TENM2: variants seen among roughly 807,000 people sequenced by gnomAD.
The protein encoded by TENM2 is teneurin-2.
Under a neutral mutation model 245.2 loss-of-function variants are expected in TENM2, and 52 were observed. The ratio of observed to expected loss-of-function variants is 0.21; its 90% confidence interval spans 0.17 to 0.27. TENM2 has a LOEUF of 0.27. TENM2 is among the 10% of genes least tolerant of loss of function. The probability of loss-of-function intolerance (pLI) is 1.00; values close to 1 mark genes in which losing one functional copy is unlikely to be tolerated. For missense variants in TENM2, 3,046 were observed against 3,666.8 expected (o/e 0.83, Z 4.37); for synonymous variants, 1,363 against 1,438.9 (o/e 0.95, Z 1.19).
chr5:167,087,264 T>C, the TENM2 span, among the ~76,000 whole-genome samples: 3 of 152,152 alleles, frequency 2.0e-5, no homozygotes, highest in African/African-American at 7.2e-5. Flanking sequence ...TTTACATAGA[T>C]CTTTGCATGG....
chr5:168,151,783 T>G (rs1005017431), intron 12 of TENM2, among the ~76,000 whole-genome samples: 1 of 152,174 alleles, frequency 6.6e-6, no homozygotes, highest in Non-Finnish European at 1.5e-5. Flanking sequence ...AACAAGTGAC[T>G]TGGTATAAAA....
At chr5:168,001,536 A>G (rs1784422887) in intron 5 of TENM2, among the ~76,000 whole-genome samples, 2 of 152,364 alleles carry the variant, frequency 1.3e-5, no homozygotes, top group Non-Finnish European at 2.9e-5. Context: ...GAACTATTAT[A>G]TGGTAAATTA....
At chr5:168,058,097 G>A (rs749121932) in intron 6 of TENM2, among the ~76,000 whole-genome samples, 4 of 152,176 alleles carry the variant, frequency 2.6e-5, no homozygotes, top group African/African-American at 7.2e-5. Flanking sequence ...CATAATGAGC[G>A]GAGTTGTGCG....
At chr5:168,228,409 T>C (rs1173682105) in intron 25 of TENM2, among the ~76,000 whole-genome samples, 5 of 152,324 alleles carry the variant, frequency 3.3e-5, no homozygotes, top group South Asian at 2.1e-4. Context: ...AAGGCGGCCA[T>C]TTCCTGCTAT....
chr5:167,984,793 A>T (rs1474332241), intron 4 of TENM2, among the ~76,000 whole-genome samples: 1 of 152,020 alleles, frequency 6.6e-6, no homozygotes, highest in Admixed American at 6.5e-5. Context: ...AGTATCCATC[A>T]TTTTTCTCGT....
chr5:167,840,391 A>G (rs1306960824), intron 2 of TENM2, among the ~76,000 whole-genome samples: 1 of 152,200 alleles, frequency 6.6e-6, no homozygotes, highest in Non-Finnish European at 1.5e-5. Flanking sequence ...ATGATGGGAG[A>G]AATTCAAGGA....
the TENM2 span, among the ~76,000 whole-genome samples, chr5:167,246,134 T>G: frequency 2.6e-5 from 4 of 152,272 alleles, no homozygotes; most frequent in South Asian, 8.3e-4. Context: ...GGATGGCAAT[T>G]TCATCCTTTC....
the TENM2 span, among the ~76,000 whole-genome samples, chr5:167,182,015 A>G: frequency 6.6e-6 from 1 of 152,198 alleles, no homozygotes; most frequent in East Asian, 1.9e-4. Context: ...TTTTATCCAT[A>G]ATGAAAGTTA....
chr5:167,122,236 A>G, the TENM2 span, among the ~76,000 whole-genome samples: 1 of 152,142 alleles, frequency 6.6e-6, no homozygotes, highest in African/African-American at 2.4e-5. Context: ...CTCACTAATT[A>G]CAAGTAAAAA....
intron 2 of TENM2, among the ~76,000 whole-genome samples, chr5:167,694,560 T>C (rs1410015658): frequency 1.3e-5 from 2 of 152,220 alleles, no homozygotes; most frequent in Admixed American, 1.3e-4. Flanking sequence ...GGTTCCTTCA[T>C]GCTGAGCCTA....
chr5:167,967,723 C>T (rs1349447553), intron 4 of TENM2, among the ~76,000 whole-genome samples: 5 of 152,210 alleles, frequency 3.3e-5, no homozygotes, highest in Non-Finnish European at 7.3e-5. Context: ...AAGAGCAAGA[C>T]TTTGCCCTGA....
At chr5:167,477,150 A>G (rs543191548) in intron 2 of TENM2, among the ~76,000 whole-genome samples, 153 of 152,076 alleles carry the variant, frequency 1.0e-3, no homozygotes, top group South Asian at 7.9e-3. Flanking sequence ...CAAAGAATAT[A>G]TTTTTTAAAT....
chr5:167,688,460 G>A (rs78441909), intron 2 of TENM2, among the ~76,000 whole-genome samples: 2,272 of 152,156 alleles, frequency 0.015, 47 homozygotes, highest in African/African-American at 0.05. Context: ...GAGAATTTCC[G>A]TCATCATCCT....
the TENM2 span, among the ~76,000 whole-genome samples, chr5:167,213,130 G>T: frequency 3.9e-5 from 6 of 152,258 alleles, no homozygotes; most frequent in South Asian, 1.2e-3. Context: ...TCGTATCGTG[G>T]AATCACACTA....
the TENM2 span, among the ~76,000 whole-genome samples, chr5:167,096,867 A>G: frequency 1.3e-5 from 2 of 152,224 alleles, no homozygotes; most frequent in African/African-American, 4.8e-5. Context: ...AGTCTCATGC[A>G]ACATGTGTAG....
At chr5:167,051,884 A>C in the TENM2 span, among the ~76,000 whole-genome samples, 1 of 152,302 alleles carries the variant, frequency 6.6e-6, no homozygotes, top group East Asian at 1.9e-4. Context: ...ATATCAAAGA[A>C]AATTCATATT....
At chr5:166,999,986 AC>A in the TENM2 span, among the ~76,000 whole-genome samples, 1 of 151,972 alleles carries the variant, frequency 6.6e-6, no homozygotes, top group African/African-American at 2.4e-5. Context: ...AACAGAGGAG[AC>A]CCCTGTAAGA....
chr5:168,081,900 T>G (rs1035566657), intron 7 of TENM2, among the ~76,000 whole-genome samples: 1 of 152,196 alleles, frequency 6.6e-6, no homozygotes, highest in African/African-American at 2.4e-5. Context: ...AATCTGACAA[T>G]TATGTGTCTT....
intron 1 of TENM2, among the ~76,000 whole-genome samples, chr5:167,324,662 A>C (rs947894091): frequency 6.6e-5 from 10 of 152,020 alleles, no homozygotes; most frequent in African/African-American, 1.9e-4. Context: ...GTATTTGGAT[A>C]GAACAAGAGG....
Sources: allele counts gnomAD v4.1 joint callset (sites outside exome capture counted in the v4.1 genomes callset), GRCh38; gene constraint gnomAD v4.1.1; transcripts MANE v1.5; gene names NCBI Gene and HGNC (gene_info 2026-07-23, HGNC 2026-07-21).